The following CHRM3 variants were observed in gnomAD, a reference collection of about 807,000 sequenced individuals.
CHRM3 encodes cholinergic receptor muscarinic 3.
In CHRM3, 11 loss-of-function variants were observed where a neutral mutation model predicts 41.8. The observed-to-expected ratio is 0.26, with a 90% confidence interval of 0.17 to 0.44. CHRM3 has a LOEUF of 0.44. Among genes scored for constraint, CHRM3 ranks in the 20% least tolerant of loss-of-function variants. CHRM3 has a pLI of 1.00. For synonymous variants in CHRM3, 297 were observed against 301.4 expected (o/e 0.99, Z 0.15); for missense variants, 571 against 745.4 (o/e 0.77, Z 2.72).
At chr1:239,389,880 G>GTTT (rs1658871139) in intron 1 of CHRM3, among the ~76,000 whole-genome samples, 2 of 152,162 alleles carry the variant, frequency 1.3e-5, no homozygotes, top group African/African-American at 4.8e-5. Context: ...TGCAGTGCCG[G>GTTT]GAAGTTTATA....
At chr1:239,567,160 A>G (rs180984743) in intron 3 of CHRM3, among the ~76,000 whole-genome samples, 1 of 152,278 alleles carries the variant, frequency 6.6e-6, no homozygotes, top group African/African-American at 2.4e-5. Flanking sequence ...TAACCTATCT[A>G]TTAACCTATC....
intron 3 of CHRM3, among the ~76,000 whole-genome samples, chr1:239,602,701 A>T (rs914255805): frequency 5.9e-5 from 9 of 152,360 alleles, no homozygotes; most frequent in Middle Eastern, 6.8e-3. Context: ...GCATTGAATT[A>T]TCAGAAATGT....
chr1:239,527,852 T>C (rs1293371889), intron 2 of CHRM3, among the ~76,000 whole-genome samples: 1 of 152,250 alleles, frequency 6.6e-6, no homozygotes, highest in Non-Finnish European at 1.5e-5. Context: ...TGTTATATAA[T>C]AAGCATTTTA....
At chr1:239,847,506 G>A (rs768630223) in intron 6 of CHRM3, among the ~76,000 whole-genome samples, 1 of 152,002 alleles carries the variant, frequency 6.6e-6, no homozygotes, top group African/African-American at 2.4e-5. Flanking sequence ...TAAAAAAGGC[G>A]GAAGGGATAG....
chr1:239,862,764 A>G (rs1176751085), intron 6 of CHRM3, among the ~76,000 whole-genome samples: 1 of 152,230 alleles, frequency 6.6e-6, no homozygotes, highest in Non-Finnish European at 1.5e-5. Flanking sequence ...CCTAAAATAC[A>G]GCCTATATTT....
chr1:239,859,061 A>G (rs77368552), intron 6 of CHRM3, among the ~76,000 whole-genome samples: 2,760 of 152,278 alleles, frequency 0.018, 99 homozygotes, highest in African/African-American at 0.063. Flanking sequence ...ACATTTATGT[A>G]CAAGTTTCAG....
chr1:239,619,119 T>A (rs571889365), intron 3 of CHRM3, among the ~76,000 whole-genome samples: 1 of 151,998 alleles, frequency 6.6e-6, no homozygotes, highest in East Asian at 2.0e-4. Flanking sequence ...TTTGCCATGT[T>A]GGCCACACTG....
At chr1:239,424,938 T>A (rs938458458) in intron 1 of CHRM3, among the ~76,000 whole-genome samples, 6 of 152,212 alleles carry the variant, frequency 3.9e-5, no homozygotes, top group Non-Finnish European at 8.8e-5. Flanking sequence ...ATGTTCCCAT[T>A]GGCATTTTGC....
chr1:239,710,746 A>G (rs1661691883), intron 5 of CHRM3, among the ~76,000 whole-genome samples: 1 of 152,126 alleles, frequency 6.6e-6, no homozygotes, highest in Non-Finnish European at 1.5e-5. Context: ...CTTGTTTCTA[A>G]GCATAAAGAA....
At chr1:239,883,818 A>G (rs1435155414) in intron 6 of CHRM3, among the ~76,000 whole-genome samples, 2 of 152,234 alleles carry the variant, frequency 1.3e-5, no homozygotes, top group Non-Finnish European at 2.9e-5. Flanking sequence ...TCTCCTGTCT[A>G]CTGCAGCACT....
chr1:239,825,971 A>G (rs1672423552), intron 5 of CHRM3, among the ~76,000 whole-genome samples: 1 of 152,222 alleles, frequency 6.6e-6, no homozygotes, highest in South Asian at 2.1e-4. Context: ...GACAAATACT[A>G]TATGATACCA....
chr1:239,789,626 C>T (rs1324920610), intron 5 of CHRM3, among the ~76,000 whole-genome samples: 1 of 152,120 alleles, frequency 6.6e-6, no homozygotes, highest in Non-Finnish European at 1.5e-5. Flanking sequence ...TGGGGAGGTG[C>T]CAGGCTCCTG....
At chr1:239,770,607 G>A (rs1016149426) in intron 5 of CHRM3, among the ~76,000 whole-genome samples, 10 of 152,114 alleles carry the variant, frequency 6.6e-5, no homozygotes, top group African/African-American at 2.2e-4. Flanking sequence ...AGGACTGAGC[G>A]GAAGATGACT....
At chr1:239,694,991 A>C (rs1660051070) in intron 5 of CHRM3, among the ~76,000 whole-genome samples, 1 of 151,048 alleles carries the variant, frequency 6.6e-6, no homozygotes. Context: ...CTGATTATTG[A>C]AATGTTTTAC....
At chr1:239,746,717 A>G (rs1158611103) in intron 5 of CHRM3, among the ~76,000 whole-genome samples, 1 of 152,050 alleles carries the variant, frequency 6.6e-6, no homozygotes, top group East Asian at 1.9e-4. Flanking sequence ...TCAGACTTAA[A>G]AGCCTTACCA....
intron 5 of CHRM3, among the ~76,000 whole-genome samples, chr1:239,737,768 C>T (rs1664507623): frequency 6.6e-6 from 1 of 152,100 alleles, no homozygotes; most frequent in African/African-American, 2.4e-5. Flanking sequence ...GAAAACTCTT[C>T]GTAAGACATC....
intron 5 of CHRM3, among the ~76,000 whole-genome samples, chr1:239,809,266 C>T (rs983357688): frequency 7.9e-5 from 12 of 152,030 alleles, no homozygotes; most frequent in African/African-American, 2.4e-4. Flanking sequence ...GTGATCCGCC[C>T]GCCTCGGCCT....
At chr1:239,607,842 T>C (rs1360103673) in intron 3 of CHRM3, among the ~76,000 whole-genome samples, 1 of 152,196 alleles carries the variant, frequency 6.6e-6, no homozygotes, top group Non-Finnish European at 1.5e-5. Context: ...GCTTGTTTCT[T>C]TGCTTCTATT....
intron 4 of CHRM3, among the ~76,000 whole-genome samples, chr1:239,654,690 C>G (rs1292332064): frequency 6.6e-6 from 1 of 152,184 alleles, no homozygotes; most frequent in Non-Finnish European, 1.5e-5. Flanking sequence ...TGAGCCACCA[C>G]GTCCAGCCCA....
Sources: gnomAD v4.1 joint callset for allele counts (sites outside exome capture counted in the v4.1 genomes callset) on GRCh38, gnomAD v4.1.1 for gene constraint, MANE v1.5 for transcripts, NCBI Gene and HGNC (gene_info 2026-07-23, HGNC 2026-07-21) for gene names.